FRYL: variants seen among roughly 807,000 people sequenced by gnomAD.
FRYL encodes the protein protein furry homolog-like.
FRYL carries 150 observed loss-of-function variants against 351.2 expected under a neutral mutation model. That is an observed-to-expected ratio of 0.43 (90% CI 0.37 to 0.49). The LOEUF (loss-of-function observed/expected upper bound fraction) is 0.49. Ranked by LOEUF, FRYL falls within the 20% of genes least tolerant of loss-of-function variation. The pLI, the probability that FRYL is intolerant of heterozygous loss-of-function variation, is 0.00. For synonymous variants in FRYL, 1,153 were observed against 1,257.1 expected (o/e 0.92, Z 1.75); for missense variants, 3,036 against 3,619.3 (o/e 0.84, Z 4.13).
intron 3 of FRYL, among the ~76,000 whole-genome samples, chr4:48,667,135 T>G (rs1207767023): frequency 6.6e-6 from 1 of 152,116 alleles, no homozygotes; most frequent in East Asian, 1.9e-4. Flanking sequence ...ATTAATAAAT[T>G]TTATTATTAA....
In FRYL at chr4:48,683,646, C is replaced by G. The variant is rs1397292367; in HGVS notation, c.-81+1027G>C. Reference sequence around the variant, plus strand: ...AAGAACTCCCATAGGAAAAAAACAACAAAGTCAAGTAAAAGACATAAATTT... The same window carrying G: ...AAGAACTCCCATAGGAAAAAAACAAGAAAGTCAAGTAAAAGACATAAATTT... On this transcript the variant is annotated intron_variant, in intron 3 of 63. Coordinates refer to ENST00000358350, the MANE Select transcript of FRYL (RefSeq NM_015030.2). Among the ~76,000 whole-genome samples, 25 of 151,964 alleles carry G rather than the reference C, an allele frequency of 1.6e-4. 1 individual carries two copies. Among genetic ancestry groups the G allele is most frequent in the Admixed American group, 1.6e-3 (25 of 15,280 alleles).
chr4:48,567,408 G>A lies in FRYL; in HGVS notation c.3009C>T (p.Gly1003=), dbSNP rs1389096778. ...TGAGAAAATGTGTTTCATTATCAAG[G>A]CCACCACTTGCACTGAAAATATTGA... ...AGVISHSASG[G]LDNETHFLNN... is the part of the protein sequence containing the mutation. Residue 1003 remains glycine (G), a synonymous_variant, in exon 28 of 64, where the codon GGC becomes GGT. Transcript: ENST00000358350. The surrounding 1 kb of genome is among the most constrained non-coding windows in gnomAD (Gnocchi z 4.2). The A allele has an allele frequency of 4.4e-6, 7 of 1,600,844 alleles. No homozygotes were observed. The highest frequency in any genetic ancestry group is 6.0e-6 in the Non-Finnish European group (7 of 1,175,356).
chr4:48,683,182 C>T (rs1299378443), intron 3 of FRYL, among the ~76,000 whole-genome samples: 3 of 151,738 alleles, frequency 2.0e-5, no homozygotes, highest in African/African-American at 7.3e-5. Flanking sequence ...GAAAACCAAA[C>T]ACCACATGTT....
chr4:48,573,840 C>T (rs908929594), intron 25 of FRYL, among the ~76,000 whole-genome samples: 4 of 152,112 alleles, frequency 2.6e-5, no homozygotes, highest in African/African-American at 9.7e-5. Context: ...TGTGAGCCAC[C>T]GCGCCTGGCC....
intron 53 of FRYL, among the ~76,000 whole-genome samples, chr4:48,525,653 G>A (rs1725975932): frequency 6.6e-6 from 1 of 152,184 alleles, no homozygotes; most frequent in African/African-American, 2.4e-5. Context: ...GTTGATCAGT[G>A]TGTATGATCT....
At chr4:48,586,841 T>G (rs115276451) in intron 18 of FRYL, 113 bp from the exon 19 acceptor site, 3 of 621,782 alleles carry the variant, frequency 4.8e-6, no homozygotes, top group Admixed American at 3.3e-5. Flanking sequence ...GTTCAATGTA[T>G]TTAATATTTT....
chr4:48,651,114 T>C (rs1757536740), intron 3 of FRYL, among the ~76,000 whole-genome samples: 1 of 152,040 alleles, frequency 6.6e-6, no homozygotes, highest in South Asian at 2.1e-4. Flanking sequence ...TGTGTTTCCT[T>C]CTGTCACCCA....
chr4:48,598,174 G>A (rs894051260), intron 13 of FRYL, among the ~76,000 whole-genome samples: 1 of 152,112 alleles, frequency 6.6e-6, no homozygotes, highest in African/African-American at 2.4e-5. Context: ...TTGGAGTCTA[G>A]CCTGGGCTAG....
intron 26 of FRYL, among the ~76,000 whole-genome samples, chr4:48,572,815 T>C (rs540494928): frequency 6.6e-6 from 1 of 152,352 alleles, no homozygotes; most frequent in East Asian, 1.9e-4. Flanking sequence ...AATTTTTTAC[T>C]GTTTTACTGG....
chr4:48,524,963 C>T (rs1725688396), intron 53 of FRYL, among the ~76,000 whole-genome samples: 2 of 151,202 alleles, frequency 1.3e-5, no homozygotes, highest in African/African-American at 2.4e-5. Flanking sequence ...TAACCTATTC[C>T]ACTCCGTTAC....
At chr4:48,572,403 A>T (rs1738528879) in intron 26 of FRYL, among the ~76,000 whole-genome samples, 1 of 152,170 alleles carries the variant, frequency 6.6e-6, no homozygotes, top group Non-Finnish European at 1.5e-5. Context: ...ATATTCAATC[A>T]CTTCCCCCAT....
At chr4:48,667,837 A>G (rs1357180067) in intron 3 of FRYL, among the ~76,000 whole-genome samples, 1 of 152,166 alleles carries the variant, frequency 6.6e-6, no homozygotes, top group East Asian at 1.9e-4. Flanking sequence ...TAGTAGAGAC[A>G]GGATTTCACC....
intron 1 of FRYL, among the ~76,000 whole-genome samples, chr4:48,744,792 G>A (rs1772482298): frequency 6.6e-6 from 1 of 152,016 alleles, no homozygotes; most frequent in Non-Finnish European, 1.5e-5. Context: ...TACCATATTT[G>A]CGCTATTTGC....
intron 1 of FRYL, among the ~76,000 whole-genome samples, chr4:48,731,165 A>G (rs977065763): frequency 6.6e-6 from 1 of 152,230 alleles, no homozygotes; most frequent in Admixed American, 6.5e-5. Flanking sequence ...CAACAAGAAG[A>G]GCTAAGTATC....
chr4:48,525,724 G>C (rs1483505892), intron 53 of FRYL, among the ~76,000 whole-genome samples: 1 of 151,860 alleles, frequency 6.6e-6, no homozygotes, highest in Non-Finnish European at 1.5e-5. Flanking sequence ...CTGTATATGA[G>C]TTGTATATGT....
chr4:48,553,431 TC>T, intron 35 of FRYL, 48 bp from the exon 36 acceptor site: 1 of 1,367,618 alleles, frequency 7.3e-7, no homozygotes, highest in Non-Finnish European at 1.0e-6. Flanking sequence ...AGTTTTTATC[TC>T]ATTAATTTCT....
In FRYL at chr4:48,631,077, C is replaced by T. The variant is rs111286396; in HGVS notation, c.120+3214G>A. ...TTATCTAATCTTGAAGCTATGGATT[C>T]CCAACTTACCCAGACTTGGACATAA... On this transcript the variant is annotated intron_variant, in intron 4 of 63. Coordinates refer to ENST00000358350, the MANE Select transcript of FRYL (RefSeq NM_015030.2). Among the ~76,000 whole-genome samples the T allele has an allele frequency of 6.2e-3, 938 of 152,252 alleles. 12 individuals carry two copies. Among genetic ancestry groups the T allele is most frequent in the African/African-American group, 0.021 (880 of 41,542 alleles).
intron 7 of FRYL, among the ~76,000 whole-genome samples, chr4:48,614,419 C>A (rs6858052): frequency 2.6e-5 from 4 of 152,070 alleles, no homozygotes; most frequent in Non-Finnish European, 5.9e-5. Flanking sequence ...GCAAGAAAAT[C>A]TAGTAGAAAC....
At chr4:48,602,692 G>A (rs979205204) in intron 12 of FRYL, among the ~76,000 whole-genome samples, 2 of 152,066 alleles carry the variant, frequency 1.3e-5, no homozygotes, top group African/African-American at 4.8e-5. Flanking sequence ...TCCAAGCTAC[G>A]TAAAAGTTAT....
Sources: gnomAD v4.1 joint callset for allele counts (sites outside exome capture counted in the v4.1 genomes callset) on GRCh38, gnomAD v4.1.1 for gene constraint, Gnocchi (gnomAD v3.1) non-coding constraint, MANE v1.5 for transcripts, NCBI Gene and HGNC (gene_info 2026-07-23, HGNC 2026-07-21) for gene names.